The following HECA variants were observed in gnomAD, a reference collection of about 807,000 sequenced individuals.
HECA encodes the protein HECA ribonucleoprotein granule regulator.
Under a neutral mutation model 37.6 loss-of-function variants are expected in HECA, and 13 were observed. The observed-to-expected ratio is 0.35, with a 90% confidence interval of 0.23 to 0.55. The LOEUF (loss-of-function observed/expected upper bound fraction) is 0.55. Ranked by LOEUF, HECA falls within the 20% of genes least tolerant of loss-of-function variation. HECA has a pLI of 0.90. For missense variants in HECA, 527 were observed against 701.9 expected, an observed-to-expected ratio of 0.75 and a Z score of 2.82; for synonymous variants, 307 against 291.5, an observed-to-expected ratio of 1.05 and a Z score of -0.54.
rs1181584822 is a variant in HECA at position 139,177,971 on chromosome 6, C to CT, written c.*867dup. 6.6e-6 allele frequency: 1 copy of CT among 152,192 alleles called. No individual in the cohort carries two copies. The highest frequency in any genetic ancestry group is 2.4e-5 in the African/African-American group (1 of 41,454). The allele number at this position is 152,192 out of a possible 1,614,324, so 9.4% of individuals were successfully genotyped here. ...CAGGTAAATCTTTCAGCCACAGAAT[C>CT]TAACTGGTGAGCTTCAGAACCAATA... On this transcript the variant is annotated 3_prime_UTR_variant, in exon 4 of 4. Transcript: ENST00000367658. The surrounding 1 kb of genome is among the most constrained non-coding windows in gnomAD (Gnocchi z 4.9).
intron 1 of HECA, among the ~76,000 whole-genome samples, chr6:139,165,013 G>C (rs553565917): frequency 5.3e-5 from 8 of 152,220 alleles, no homozygotes; most frequent in Admixed American, 3.3e-4. Flanking sequence ...GTCAGCTAAC[G>C]ACAAGAACAG....
In HECA at chr6:139,137,619, C is replaced by T. The variant is rs1296563792; in HGVS notation, c.271+1952C>T. 4.1e-5 allele frequency among the ~76,000 whole-genome samples: 6 copies of T among 145,442 alleles called. No individual in the cohort carries two copies. The Admixed American group carries it at 4.3e-4, about 10-fold the overall frequency. On this transcript the variant is annotated intron_variant, in intron 1 of 3. Transcript: ENST00000367658. ...TGGTTTTGGTTTGCTCTGCCCACCC[C>T]CCTACCAGCTCCTTTTTTTTTTTTT... is the stretch of plus-strand genomic sequence containing the variant.
At chr6:139,142,356 A>C (rs2114436411) in intron 1 of HECA, among the ~76,000 whole-genome samples, 1 of 152,306 alleles carries the variant, frequency 6.6e-6, no homozygotes, top group Middle Eastern at 3.4e-3. Context: ...CTTCCTGTGG[A>C]CTTGCTATAT....
chr6:139,145,901 G>A (rs1483445497), intron 1 of HECA, among the ~76,000 whole-genome samples: 1 of 152,164 alleles, frequency 6.6e-6, no homozygotes, highest in Non-Finnish European at 1.5e-5. Flanking sequence ...TGCTCTTGGG[G>A]AGGGGATTTA....
At chr6:139,146,475 C>G (rs919177007) in intron 1 of HECA, among the ~76,000 whole-genome samples, 3 of 152,196 alleles carry the variant, frequency 2.0e-5, no homozygotes, top group Non-Finnish European at 2.9e-5. Context: ...TATAACACAA[C>G]TTCTTATTAA....
chr6:139,137,057 A>T (rs1236883189), intron 1 of HECA, among the ~76,000 whole-genome samples: 1 of 152,156 alleles, frequency 6.6e-6, no homozygotes, highest in Non-Finnish European at 1.5e-5. Flanking sequence ...TGCAATATTG[A>T]AATAGGAAGA....
chr6:139,164,753 T>G (rs1346341407), intron 1 of HECA, among the ~76,000 whole-genome samples: 1 of 152,062 alleles, frequency 6.6e-6, no homozygotes, highest in Non-Finnish European at 1.5e-5. Context: ...TGAAGCACCC[T>G]TGTCATCCCA....
Position 139,166,943 on chromosome 6 carries a change from A to C in HECA, c.931A>C (p.Met311Leu). 6.2e-7 allele frequency: 1 copy of C among 1,614,178 alleles called. No individual in the cohort carries two copies. The highest frequency in any genetic ancestry group is 8.5e-7 in the Non-Finnish European group (1 of 1,180,018). The change falls in exon 2 of 4, where the codon ATG becomes CTG. Residue 311 changes from methionine to leucine, a missense_variant. By Grantham distance (15) the Met-to-Leu change is conservative. Around this residue, in one of 4 missense-constraint regions of HECA, gnomAD observed 228 missense variants for 259.8 expected, o/e 0.88. Coordinates refer to ENST00000367658, the MANE Select transcript of HECA (RefSeq NM_016217.3). ...AIHLEPHKKA[M>L]AGGHVFRNAH... ...CCATCTGGAGCCTCACAAGAAGGCC[A>C]TGGCTGGGGGCCATGTGTTCAGAAA...
Position 139,174,489 on chromosome 6 carries a change from C to T in HECA, c.1417C>T (p.Leu473=). 6.2e-7 allele frequency: 1 copy of T among 1,613,660 alleles called. No homozygotes were observed. Among genetic ancestry groups the T allele is most frequent in the Non-Finnish European group, 8.5e-7 (1 of 1,179,870 alleles). Residue 473 remains leucine (L), a synonymous_variant, in exon 3 of 4, where the codon CTG becomes TTG. Coordinates refer to ENST00000367658, the MANE Select transcript of HECA (RefSeq NM_016217.3). ...KSRWDGSWHQ[L]GTMYTYDILA... ...ACGGTGGGATGGCAGCTGGCACCAG[C>T]TGGGCACTATGTACACCTACGACAT...
chr6:139,148,658 C>T (rs1050760983), intron 1 of HECA, among the ~76,000 whole-genome samples: 1 of 152,006 alleles, frequency 6.6e-6, no homozygotes, highest in African/African-American at 2.4e-5. Context: ...CCCAGCTACT[C>T]GTGAGGCTGA....
chr6:139,143,640 A>C (rs552602439), intron 1 of HECA, among the ~76,000 whole-genome samples: 1 of 152,260 alleles, frequency 6.6e-6, no homozygotes, highest in Non-Finnish European at 1.5e-5. Context: ...AGGCAGGCAG[A>C]TCACAAGGTC....
chr6:139,154,141 AT>A (rs796789298), intron 1 of HECA, among the ~76,000 whole-genome samples: 13 of 152,350 alleles, frequency 8.5e-5, no homozygotes, highest in African/African-American at 2.9e-4. Flanking sequence ...TGTAATTGCT[AT>A]GTAAATAGTT....
At chr6:139,135,875 G>A (rs1774428499) in intron 1 of HECA, among the ~76,000 whole-genome samples, 1 of 151,672 alleles carries the variant, frequency 6.6e-6, no homozygotes, top group African/African-American at 2.4e-5. Context: ...GTGTCCGCGC[G>A]GGGGGCAGCC....
intron 1 of HECA, among the ~76,000 whole-genome samples, chr6:139,149,446 T>C (rs3777679): frequency 6.6e-6 from 1 of 151,966 alleles, no homozygotes; most frequent in Non-Finnish European, 1.5e-5. Flanking sequence ...TGATTTGGGG[T>C]TTTTAGTTTT....
At chr6:139,136,283 AAAAG>A (rs1774435056) in intron 1 of HECA, among the ~76,000 whole-genome samples, 5 of 150,350 alleles carry the variant, frequency 3.3e-5, no homozygotes, top group Admixed American at 2.6e-4. Context: ...AAAAAAAAAA[AAAAG>A]AAAAGAAAGA....
rs1229286569 is a variant in HECA at position 139,179,655 on chromosome 6, A to G, written c.*2550A>G. 6.6e-6 allele frequency: 1 copy of G among 152,248 alleles called. No individual in the cohort carries two copies. Among genetic ancestry groups the G allele is most frequent in the Non-Finnish European group, 1.5e-5 (1 of 68,036 alleles). 9.4% of individuals were successfully genotyped at this position (152,248 alleles called of 1,614,324 possible). On this transcript the variant is annotated 3_prime_UTR_variant, in exon 4 of 4. Transcript: ENST00000367658. ...TCTGGCTGATTTGGGAATAAAATAT[A>G]ATCGAATATTCAACACCATGAAGAT...
At chr6:139,141,742 C>T (rs1774514776) in intron 1 of HECA, among the ~76,000 whole-genome samples, 1 of 131,132 alleles carries the variant, frequency 7.6e-6, no homozygotes, top group African/African-American at 3.0e-5. Flanking sequence ...CCCTCATGGC[C>T]TAAACACCTT....
chr6:139,164,051 CACACACACACACACAA>C (rs1774845749), intron 1 of HECA, among the ~76,000 whole-genome samples: 1 of 134,920 alleles, frequency 7.4e-6, no homozygotes, highest in East Asian at 1.9e-4. Flanking sequence ...TGGACTCTCA[CACACACACACACACAA>C]ACACACACAC....
At position 139,140,640 on chromosome 6, in the gene HECA, G is replaced by A. The variant is rs948377354; in HGVS notation, c.271+4973G>A. 3.3e-5 allele frequency among the ~76,000 whole-genome samples: 5 copies of A among 152,140 alleles called. No homozygotes were observed. In the East Asian group the frequency reaches 7.7e-4, roughly 23 times the overall value. On this transcript the variant is annotated intron_variant, in intron 1 of 3. Transcript: ENST00000367658. ...TTTCATTCCATGGAGAATTGAAAAC[G>A]GGAGATAAAACGGGAAAATCTCTTG...
Sources: allele counts gnomAD v4.1 joint callset (sites outside exome capture counted in the v4.1 genomes callset), GRCh38; gene constraint gnomAD v4.1.1; regional missense constraint gnomAD v4.1.1; non-coding constraint Gnocchi (gnomAD v3.1); transcripts MANE v1.5; gene names NCBI Gene and HGNC (gene_info 2026-07-23, HGNC 2026-07-21).